The following PRKAA1 variants were observed in gnomAD, a reference collection of about 807,000 sequenced individuals.
The protein encoded by PRKAA1 is protein kinase AMP-activated catalytic subunit alpha 1.
Under a neutral mutation model 56.9 loss-of-function variants are expected in PRKAA1, and 23 were observed. The ratio of observed to expected loss-of-function variants is 0.40; its 90% CI spans 0.29 to 0.57. The LOEUF is 0.57. Among genes scored for constraint, PRKAA1 ranks in the 20% least tolerant of loss-of-function variants. The pLI is 0.39. For synonymous variants in PRKAA1, 226 were observed against 227.0 expected (o/e 1.00, Z 0.04); for missense variants, 413 against 679.7 (o/e 0.61, Z 4.36).
intron 3 of PRKAA1, 80 bp downstream of exon 3, chr5:40,775,330 T>C (rs985640178): frequency 3.7e-6 from 4 of 1,078,034 alleles, no homozygotes; most frequent in Middle Eastern, 2.0e-4. Flanking sequence ...CCTCTTAAAA[T>C]TGGTTGCTGA....
At chr5:40,764,682 T>C (rs1231753460) in intron 7 of PRKAA1, 42 bp from the exon 8 acceptor site, 4 of 1,604,968 alleles carry the variant, frequency 2.5e-6, no homozygotes, top group Admixed American at 3.4e-5. Context: ...AAGTAATTCT[T>C]CTATAAAACA....
intron 4 of PRKAA1, among the ~76,000 whole-genome samples, chr5:40,771,176 T>C (rs1743730103): frequency 6.6e-6 from 1 of 152,200 alleles, no homozygotes; most frequent in South Asian, 2.1e-4. Context: ...GTCTCTCTAA[T>C]ACTACCAACT....
intron 1 of PRKAA1, among the ~76,000 whole-genome samples, chr5:40,778,746 C>T: frequency 7.8e-6 from 1 of 128,882 alleles, no homozygotes; most frequent in African/African-American, 2.9e-5. Flanking sequence ...TTTTTGGTTT[C>T]TCTGTGTTTT....
Position 40,774,552 on chromosome 5 carries a change from T to C in PRKAA1, c.363+858A>G, listed in dbSNP as rs1454756502. On this transcript the variant is annotated intron_variant, in intron 3 of 8. Coordinates refer to ENST00000397128, the MANE Select transcript of PRKAA1 (RefSeq NM_006251.6). ...GTTTCCCATTTCTCCAGGCAGAATT[T>C]TTTTTTTTTTTTTTTTTTTGGTAAG... Among the ~76,000 whole-genome samples, 38 of 146,908 alleles carry C rather than the reference T, an allele frequency of 2.6e-4. 1 individual carries two copies. The highest frequency in any genetic ancestry group is 4.0e-4 in the African/African-American group (16 of 40,464).
intron 1 of PRKAA1, among the ~76,000 whole-genome samples, chr5:40,780,618 A>G (rs954804482): frequency 2.0e-5 from 3 of 152,142 alleles, no homozygotes; most frequent in African/African-American, 7.2e-5. Context: ...ACCAAGCCAA[A>G]CCAGGTCTCA....
chr5:40,796,022 C>T (rs944542738), intron 1 of PRKAA1, among the ~76,000 whole-genome samples: 3 of 152,158 alleles, frequency 2.0e-5, no homozygotes, highest in Admixed American at 1.3e-4. Context: ...TTAGCAAATA[C>T]GAAAACAGAC....
chr5:40,778,279 ATAT>A (rs1389082663), intron 1 of PRKAA1, among the ~76,000 whole-genome samples: 3 of 150,374 alleles, frequency 2.0e-5, no homozygotes, highest in Non-Finnish European at 2.9e-5. Flanking sequence ...ATATTTAGAC[ATAT>A]TATAAGAGTA....
At chr5:40,770,837 C>T (rs532444921) in intron 4 of PRKAA1, among the ~76,000 whole-genome samples, 18 of 151,882 alleles carry the variant, frequency 1.2e-4, no homozygotes, top group East Asian at 5.8e-4. Flanking sequence ...GTGATCCGCC[C>T]GCCTCGGCCT....
At position 40,764,601 on chromosome 5, in the gene PRKAA1, G is replaced by C. The variant is rs778987497; in HGVS notation, c.1348C>G (p.Pro450Ala). 1 of 1,613,946 alleles carries C rather than the reference G, an allele frequency of 6.2e-7. No individual in the cohort carries two copies. The highest frequency in any genetic ancestry group is 1.1e-5 in the South Asian group (1 of 91,072). The change falls in exon 8 of 9, where the codon CCT (proline) becomes GCT (alanine). Residue 450 changes from proline (P) to alanine (A), a missense_variant. Pro to Ala is a conservative substitution (Grantham distance 27). This residue lies in a region of PRKAA1 where 139 missense variants were observed against 171.5 expected (regional missense o/e 0.81). Coordinates refer to ENST00000397128, the MANE Select transcript of PRKAA1 (RefSeq NM_006251.6). ...PYYLRVRRKN[P>A]VTSTYSKMSL... ...ATTTTGGAGTAAGTGCTTGTCACAG[G>C]ATTCTTCCTTCGTACACGCAAATAA...
At chr5:40,772,718 C>T (rs907764423) in intron 3 of PRKAA1, among the ~76,000 whole-genome samples, 2 of 152,092 alleles carry the variant, frequency 1.3e-5, no homozygotes, top group Non-Finnish European at 2.9e-5. Context: ...ACTGCAGCCT[C>T]GGCTTCCCTG....
intron 1 of PRKAA1, among the ~76,000 whole-genome samples, chr5:40,783,480 C>T (rs1226396605): frequency 1.3e-5 from 2 of 152,018 alleles, no homozygotes; most frequent in African/African-American, 4.8e-5. Flanking sequence ...TTTCCAAGGC[C>T]GAGTGCGGTG....
rs1377155034 is a variant in PRKAA1 at position 40,762,806 on chromosome 5, G to C, written c.1652C>G (p.Ala551Gly). 6.2e-7 allele frequency: 1 copy of C among 1,613,946 alleles called. No individual in the cohort carries two copies. Among genetic ancestry groups the C allele is most frequent in the East Asian group, 2.2e-5 (1 of 44,888 alleles). The stretch of plus-strand genomic sequence containing the variant: ...TTGTGCAAGAATTTTAATTAGATTT[G>C]CACACATCTCAAAAAATTCTATTGT... ...SHTIEFFEMC[A>G]NLIKILAQ Residue 551 changes from alanine (A) to glycine (G), a missense_variant, in exon 9 of 9, where the codon GCA becomes GGA. Transcript: ENST00000397128.
chr5:40,759,532 A>T lies in PRKAA1; in HGVS notation c.*3246T>A, dbSNP rs1743078232. The T allele has an allele frequency of 6.6e-6, 1 of 152,322 alleles. No individual in the cohort carries two copies. The highest frequency in any genetic ancestry group is 2.4e-5 in the African/African-American group (1 of 41,436). 9.4% of individuals were successfully genotyped at this position (152,322 alleles called of 1,614,324 possible). A position where few individuals can be genotyped will look rare whatever the true frequency, so the allele number is the denominator to read the frequency against. On this transcript the variant is annotated 3_prime_UTR_variant, in exon 9 of 9. Transcript: ENST00000397128. Reference sequence around the variant, plus strand: ...CAATTTACAGTTATGTTGTATGTGGAATTTCATTCTTGTCAGAACTCACAA... The same window carrying T: ...CAATTTACAGTTATGTTGTATGTGGTATTTCATTCTTGTCAGAACTCACAA...
chr5:40,768,129 C>T (rs1435139444), intron 5 of PRKAA1, among the ~76,000 whole-genome samples: 2 of 152,184 alleles, frequency 1.3e-5, no homozygotes, highest in African/African-American at 4.8e-5. Flanking sequence ...GAAAGAAAGC[C>T]AGGCAAATTG....
chr5:40,772,688 C>T (rs980813989), intron 3 of PRKAA1, among the ~76,000 whole-genome samples: 3 of 152,094 alleles, frequency 2.0e-5, no homozygotes, highest in Admixed American at 6.5e-5. Context: ...GGCTGGAGTG[C>T]AGTGATGCCA....
At chr5:40,774,880 T>G (rs751159546) in intron 3 of PRKAA1, 1 of 1,448,172 alleles carries the variant, frequency 6.9e-7, no homozygotes, top group Admixed American at 1.8e-5. Flanking sequence ...GTTCAAAATG[T>G]CCTACAAAGT....
chr5:40,776,586 A>C (rs1209378158), intron 2 of PRKAA1, among the ~76,000 whole-genome samples: 2 of 152,220 alleles, frequency 1.3e-5, no homozygotes, highest in African/African-American at 2.4e-5. Flanking sequence ...TCAGGAGAAA[A>C]ACCTAAGCAT....
chr5:40,795,262 G>A (rs1175706191), intron 1 of PRKAA1, among the ~76,000 whole-genome samples: 2 of 152,008 alleles, frequency 1.3e-5, no homozygotes, highest in Non-Finnish European at 2.9e-5. Context: ...AGGGGTGAGG[G>A]ATAAAAGACT....
At chr5:40,779,096 G>A (rs544546533) in intron 1 of PRKAA1, among the ~76,000 whole-genome samples, 1 of 151,400 alleles carries the variant, frequency 6.6e-6, no homozygotes, top group Non-Finnish European at 1.5e-5. Flanking sequence ...ACCATGCCCA[G>A]CCTCTATTTT....
Sources: gnomAD v4.1 joint callset for allele counts (sites outside exome capture counted in the v4.1 genomes callset) on GRCh38, gnomAD v4.1.1 for gene constraint, gnomAD v4.1.1 regional missense constraint, MANE v1.5 for transcripts, NCBI Gene and HGNC (gene_info 2026-07-23, HGNC 2026-07-21) for gene names.